GOLT1A: variants seen among roughly 807,000 people sequenced by gnomAD.
GOLT1A encodes golgi transport 1A.
In GOLT1A, 10 loss-of-function variants were observed where a neutral mutation model predicts 16.1. That is an observed-to-expected ratio of 0.62 (90% confidence interval 0.38 to 1.05). The LOEUF is 1.05. GOLT1A is among the 50% of genes least tolerant of loss of function. The pLI, the probability that GOLT1A is intolerant of heterozygous loss-of-function variation, is 0.01. For synonymous variants in GOLT1A, 60 were observed against 67.9 expected (o/e 0.88, Z 0.57); for missense variants, 137 against 165.7 (o/e 0.83, Z 0.95).
At chr1:204,198,988 T>G in intron 4 of GOLT1A, 1 of 580,570 alleles carries the variant, frequency 1.7e-6, no homozygotes, top group African/African-American at 1.9e-5. Context: ...CAACTGCGTC[T>G]GGATCCCCTC....
At chr1:204,206,832 TCTC>T (rs1659046326) in intron 1 of GOLT1A, among the ~76,000 whole-genome samples, 1 of 152,252 alleles carries the variant, frequency 6.6e-6, no homozygotes, top group Non-Finnish European at 1.5e-5. Flanking sequence ...TGATGTCCAT[TCTC>T]CTGTTTATTC....
In GOLT1A at chr1:204,202,974, C is replaced by T; in HGVS notation, c.39G>A (p.Gly13=). The T allele has an allele frequency of 6.2e-7, 1 of 1,613,904 alleles. No homozygotes were observed. Among genetic ancestry groups the T allele is most frequent in the Non-Finnish European group, 8.5e-7 (1 of 1,179,846 alleles). The change falls in exon 2 of 5, where the codon GGG becomes GGA. Residue 13 remains glycine, a synonymous_variant. Transcript: ENST00000308302. ...TGAAGAAGATGCCGAAACCGGTGATCCCCACACCAATCTCTGCAATGGGCA... is the reference window on the plus strand; with the variant it reads ...TGAAGAAGATGCCGAAACCGGTGATTCCCACACCAATCTCTGCAATGGGCA... ...SITEWQKIGV[G]ITGFGIFFIL...
At position 204,213,909 on chromosome 1, in the gene GOLT1A, C is replaced by A. The variant is rs1197025000; in HGVS notation, c.-3G>T. 1 of 1,613,210 alleles carries A rather than the reference C, an allele frequency of 6.2e-7. No homozygotes were observed. On this transcript the variant is annotated 5_prime_UTR_variant, in exon 1 of 5. Transcript: ENST00000308302. ...TGCCATTCGGTGATGGAGATCATGCCGCACTCAGCCTGGGGGGCTTTCCGG... is the reference window on the plus strand; with the variant it reads ...TGCCATTCGGTGATGGAGATCATGCAGCACTCAGCCTGGGGGGCTTTCCGG...
chr1:204,199,320 C>A, intron 3 of GOLT1A, 62 bp from the exon 4 acceptor site: 2 of 1,351,366 alleles, frequency 1.5e-6, no homozygotes, highest in South Asian at 2.5e-5. Context: ...ATAGAGGGCA[C>A]GAGGCTGAGG....
intron 3 of GOLT1A, among the ~76,000 whole-genome samples, chr1:204,199,961 G>A (rs1658925957): frequency 6.6e-6 from 1 of 152,112 alleles, no homozygotes; most frequent in Non-Finnish European, 1.5e-5. Context: ...TCCTTACCGT[G>A]GGCCTCAATT....
intron 3 of GOLT1A, among the ~76,000 whole-genome samples, chr1:204,200,318 T>TATATATATATATATATATATATATA (rs1571671883): frequency 4.2e-5 from 5 of 118,376 alleles, no homozygotes; most frequent in Admixed American, 4.0e-4. Flanking sequence ...TATATATATA[T>TATATATATATATATATATATATATA]ATGTTTTTGT....
chr1:204,211,236 C>T (rs1297074184), intron 1 of GOLT1A, among the ~76,000 whole-genome samples: 1 of 152,094 alleles, frequency 6.6e-6, no homozygotes, highest in East Asian at 1.9e-4. Flanking sequence ...ACTGCCTAGA[C>T]TCCTTCACGG....
At chr1:204,201,455 T>C (rs1005159202) in intron 3 of GOLT1A, among the ~76,000 whole-genome samples, 178 bp downstream of exon 3, 1 of 152,150 alleles carries the variant, frequency 6.6e-6, no homozygotes, top group African/African-American at 2.4e-5. Flanking sequence ...TATTTGTTGA[T>C]GGATGGGCTA....
chr1:204,198,571 C>A, intron 4 of GOLT1A, 75 bp from the exon 5 acceptor site: 1 of 1,408,166 alleles, frequency 7.1e-7, no homozygotes, highest in South Asian at 1.2e-5. Flanking sequence ...ACAGAGCTGG[C>A]CTTGAGAGCC....
chr1:204,203,876 C>G (rs1420857209), intron 1 of GOLT1A, among the ~76,000 whole-genome samples: 1 of 152,086 alleles, frequency 6.6e-6, no homozygotes, highest in East Asian at 1.9e-4. Context: ...TCAGGGCATT[C>G]TTTGAAGCTG....
chr1:204,199,133 T>C, intron 4 of GOLT1A, 62 bp downstream of exon 4: 14 of 1,418,288 alleles, frequency 9.9e-6, no homozygotes, highest in Non-Finnish European at 1.4e-5. Flanking sequence ...CCAGCTCCCC[T>C]CCGTGTGCTC....
chr1:204,199,328 A>G, intron 3 of GOLT1A, 70 bp from the exon 4 acceptor site: 1 of 1,249,906 alleles, frequency 8.0e-7, no homozygotes, highest in Non-Finnish European at 1.2e-6. Flanking sequence ...CACGAGGCTG[A>G]GGTCCACTGA....
At position 204,213,966 on chromosome 1, in the gene GOLT1A, G is replaced by C; in HGVS notation, c.-60C>G. ...GCGGGCAAGTGGAGCGTGGCCCAGAGGACGCAGCTGGTACATGGTCACGGG... is the reference window on the plus strand; with the variant it reads ...GCGGGCAAGTGGAGCGTGGCCCAGACGACGCAGCTGGTACATGGTCACGGG... On this transcript the variant is annotated 5_prime_UTR_variant, in exon 1 of 5. Transcript: ENST00000308302. The C allele has an allele frequency of 2.5e-6, 4 of 1,582,578 alleles. No individual in the cohort carries two copies. The highest frequency in any genetic ancestry group is 3.5e-6 in the Non-Finnish European group (4 of 1,159,196).
chr1:204,208,458 ACTTGTGTGTGTG>A (rs1557987243), intron 1 of GOLT1A, among the ~76,000 whole-genome samples: 25 of 60,064 alleles, frequency 4.2e-4, no homozygotes, highest in Admixed American at 1.4e-3. Context: ...ATATATGTAT[ACTTGTGTGTGTG>A]TGTGTGTATA....
intron 1 of GOLT1A, among the ~76,000 whole-genome samples, chr1:204,213,389 C>T (rs1571680706): frequency 1.3e-5 from 1 of 75,122 alleles, no homozygotes; most frequent in Non-Finnish European, 3.5e-5. Flanking sequence ...CTTCCCATGG[C>T]CCCAGACTTG....
At chr1:204,208,586 TAAGTG>T (rs1557987561) in intron 1 of GOLT1A, among the ~76,000 whole-genome samples, 3 of 149,868 alleles carry the variant, frequency 2.0e-5, no homozygotes. Context: ...ATCATTATTC[TAAGTG>T]AAGTGACTCC....
At position 204,199,243 on chromosome 1, in the gene GOLT1A, GA is replaced by G; in HGVS notation, c.311del (p.Val104AlafsTer34). On this transcript the variant is annotated frameshift_variant, in exon 4 of 5. Coordinates refer to ENST00000308302, the MANE Select transcript of GOLT1A (RefSeq NM_198447.2). LOFTEE classifies it high-confidence loss of function. The part of the protein sequence containing the change: ...FFSLFKGFFP[V>X]AFGFLGNVCN... ...AGACATTGCCCAGGAAGCCGAAGGC[GA>G]CAGGGAAAAAGCCCCTAGGAGCAGA... is the stretch of plus-strand genomic sequence containing the variant. 1 of 1,604,036 alleles carries G rather than the reference GA, an allele frequency of 6.2e-7. No homozygotes were observed. The highest frequency in any genetic ancestry group is 8.5e-7 in the Non-Finnish European group (1 of 1,176,250).
intron 2 of GOLT1A, among the ~76,000 whole-genome samples, chr1:204,202,148 A>G (rs1168878733): frequency 6.6e-6 from 1 of 151,986 alleles, no homozygotes; most frequent in Non-Finnish European, 1.5e-5. Flanking sequence ...TTTATTCCAA[A>G]GAAGTGAAGA....
chr1:204,199,037 G>A, intron 4 of GOLT1A, 158 bp downstream of exon 4: 2 of 627,978 alleles, frequency 3.2e-6, no homozygotes, highest in Non-Finnish European at 5.7e-6. Flanking sequence ...GGTGCGGGGG[G>A]AAGAGGAGCC....
Sources: allele counts gnomAD v4.1 joint callset (sites outside exome capture counted in the v4.1 genomes callset), GRCh38; gene constraint gnomAD v4.1.1; transcripts MANE v1.5; gene names NCBI Gene and HGNC (gene_info 2026-07-23, HGNC 2026-07-21).